PRKCA: variants seen among roughly 807,000 people sequenced by gnomAD.
The protein encoded by PRKCA is protein kinase C alpha.
A neutral mutation model predicts 87.0 loss-of-function variants in PRKCA; 27 were observed. The observed-to-expected ratio is 0.31, with a 90% CI of 0.23 to 0.43. The LOEUF (loss-of-function observed/expected upper bound fraction) is 0.43, where lower values mean the gene tolerates loss of function less well. Among genes scored for constraint, PRKCA ranks in the 20% least tolerant of loss-of-function variants. The pLI is 1.00. For synonymous variants in PRKCA, 329 were observed against 311.1 expected (o/e 1.06, Z -0.61); for missense variants, 518 against 852.3 (o/e 0.61, Z 4.88).
intron 3 of PRKCA, among the ~76,000 whole-genome samples, chr17:66,552,859 T>C (rs1372425028): frequency 6.6e-6 from 1 of 152,204 alleles, no homozygotes; most frequent in Non-Finnish European, 1.5e-5. Flanking sequence ...CCATGTATGA[T>C]GAAATACACT....
chr17:66,620,456 G>T (rs1279963557), intron 3 of PRKCA, among the ~76,000 whole-genome samples: 1 of 152,208 alleles, frequency 6.6e-6, no homozygotes, highest in Non-Finnish European at 1.5e-5. Flanking sequence ...GAAGTGTCTA[G>T]GAGACTTGTG....
intron 8 of PRKCA, among the ~76,000 whole-genome samples, chr17:66,722,054 C>A (rs915423545): frequency 5.9e-5 from 9 of 152,086 alleles, no homozygotes; most frequent in Non-Finnish European, 1.2e-4. Context: ...GTAGATGAAT[C>A]TTTGGACCTG....
intron 2 of PRKCA, among the ~76,000 whole-genome samples, chr17:66,448,543 T>C (rs2143909793): frequency 6.6e-6 from 1 of 152,294 alleles, no homozygotes; most frequent in Middle Eastern, 3.4e-3. Context: ...GTATATGCTG[T>C]GCCTACCCTT....
chr17:66,750,094 A>G (rs985449099), intron 13 of PRKCA, among the ~76,000 whole-genome samples: 7 of 152,082 alleles, frequency 4.6e-5, no homozygotes, highest in Non-Finnish European at 1.0e-4. Flanking sequence ...GCAGCCGGGC[A>G]GTCAGGCAGT....
At chr17:66,496,310 A>T in intron 3 of PRKCA, 27 bp downstream of exon 3, 3 of 1,575,286 alleles carry the variant, frequency 1.9e-6, no homozygotes, top group Non-Finnish European at 8.7e-7. Context: ...TCATGATTTG[A>T]TGTCAATGTG....
chr17:66,553,774 G>A (rs1044407435), intron 3 of PRKCA, among the ~76,000 whole-genome samples: 8 of 152,184 alleles, frequency 5.3e-5, no homozygotes, highest in African/African-American at 9.6e-5. Context: ...TTCAGGTACC[G>A]TGCCAGGGCC....
chr17:66,393,641 CGTGT>C (rs111480827), intron 2 of PRKCA, among the ~76,000 whole-genome samples: 41 of 148,164 alleles, frequency 2.8e-4, no homozygotes, highest in Admixed American at 6.1e-4. Context: ...TGTGTGTGCA[CGTGT>C]GTGTGTGTGT....
intron 2 of PRKCA, among the ~76,000 whole-genome samples, chr17:66,340,768 A>C (rs2143351030): frequency 6.6e-6 from 1 of 152,282 alleles, no homozygotes; most frequent in African/African-American, 2.4e-5. Context: ...ATTCATATTC[A>C]TCTTTAATAC....
chr17:66,315,708 G>C (rs1436651239), intron 2 of PRKCA, among the ~76,000 whole-genome samples: 2 of 152,106 alleles, frequency 1.3e-5, no homozygotes, highest in Non-Finnish European at 2.9e-5. Context: ...TTGAACTCCT[G>C]ACCTCAGGTG....
At chr17:66,556,236 C>T (rs1598765695) in intron 3 of PRKCA, among the ~76,000 whole-genome samples, 1 of 151,764 alleles carries the variant, frequency 6.6e-6, no homozygotes, top group East Asian at 1.9e-4. Flanking sequence ...CCAAAAACAT[C>T]TACTAAAATA....
intron 2 of PRKCA, among the ~76,000 whole-genome samples, chr17:66,443,448 C>T (rs753260647): frequency 3.0e-4 from 45 of 152,096 alleles, no homozygotes; most frequent in Non-Finnish European, 1.3e-4. Flanking sequence ...ACAGGAAGCC[C>T]GTTTGCTCTG....
intron 3 of PRKCA, among the ~76,000 whole-genome samples, chr17:66,617,749 C>G (rs1299103149): frequency 6.6e-6 from 1 of 152,090 alleles, no homozygotes; most frequent in African/African-American, 2.4e-5. Context: ...TTATAAAGTT[C>G]TCATGAAGAA....
intron 2 of PRKCA, among the ~76,000 whole-genome samples, chr17:66,487,993 G>C (rs1916058218): frequency 6.6e-6 from 1 of 151,988 alleles, no homozygotes. Flanking sequence ...CTGTGCTTTT[G>C]AGGTCTTACC....
chr17:66,643,377 G>C (rs891316536), intron 4 of PRKCA, among the ~76,000 whole-genome samples: 5 of 152,182 alleles, frequency 3.3e-5, no homozygotes, highest in Admixed American at 1.3e-4. Context: ...AAATAAATGA[G>C]ATGTGGAGGC....
At chr17:66,674,392 G>T (rs1285075264) in intron 5 of PRKCA, among the ~76,000 whole-genome samples, 1 of 152,228 alleles carries the variant, frequency 6.6e-6, no homozygotes, top group Non-Finnish European at 1.5e-5. Context: ...CTCAGTTCAC[G>T]CATGGTGCTG....
At chr17:66,641,331 G>A (rs761003633) in intron 3 of PRKCA, 24 bp from the exon 4 acceptor site, 6 of 1,561,480 alleles carry the variant, frequency 3.8e-6, no homozygotes, top group Admixed American at 3.4e-5. Flanking sequence ...ACTAAAATGA[G>A]CATTGTGCTT....
intron 8 of PRKCA, among the ~76,000 whole-genome samples, chr17:66,726,140 T>G (rs976534001): frequency 1.5e-5 from 2 of 130,716 alleles, no homozygotes; most frequent in Non-Finnish European, 1.7e-5. Flanking sequence ...GACAGAAAGC[T>G]CAGGTGTTTG....
intron 14 of PRKCA, chr17:66,777,777 T>C: frequency 1.0e-6 from 1 of 985,292 alleles, no homozygotes; most frequent in Non-Finnish European, 1.2e-6. Flanking sequence ...GAAGCCAGGA[T>C]CTGTTTCCGA....
intron 5 of PRKCA, among the ~76,000 whole-genome samples, chr17:66,683,521 G>A (rs1972545402): frequency 3.3e-5 from 5 of 152,072 alleles, no homozygotes; most frequent in Admixed American, 2.6e-4. Flanking sequence ...CATCCCAGGT[G>A]TTTCCAGGGT....
Sources: allele counts gnomAD v4.1 joint callset (sites outside exome capture counted in the v4.1 genomes callset), GRCh38; gene constraint gnomAD v4.1.1; transcripts MANE v1.5; gene names NCBI Gene and HGNC (gene_info 2026-07-23, HGNC 2026-07-21).